Variants in PLEKHG3 observed in about 807,000 individuals in gnomAD.
The protein encoded by PLEKHG3 is pleckstrin homology domain-containing family G member 3.
In PLEKHG3, 62 loss-of-function variants were observed where a neutral mutation model predicts 94.9. The observed-to-expected ratio is 0.65, with a 90% CI of 0.53 to 0.81. The LOEUF (loss-of-function observed/expected upper bound fraction) is 0.81. Ranked by LOEUF, PLEKHG3 falls within the 30% of genes least tolerant of loss-of-function variation. PLEKHG3 has a pLI of 0.00. For synonymous variants in PLEKHG3, 614 were observed against 654.0 expected (o/e 0.94, Z 0.93); for missense variants, 1,461 against 1,619.3 (o/e 0.90, Z 1.68).
chr14:64,735,685 G>T (rs1594701400), intron 12 of PLEKHG3, among the ~76,000 whole-genome samples: 2 of 152,226 alleles, frequency 1.3e-5, no homozygotes, highest in East Asian at 3.8e-4. Flanking sequence ...ACCACAAAAA[G>T]ATCAGGAAAG....
chr14:64,729,073 A>C lies in PLEKHG3; in HGVS notation c.429A>C (p.Glu143Asp). 6.6e-7 allele frequency: 1 copy of C among 1,511,746 alleles called. No individual in the cohort carries two copies. Among genetic ancestry groups the C allele is most frequent in the East Asian group, 2.5e-5 (1 of 40,772 alleles). The allele number at this position is 1,511,746 out of a possible 1,614,324, so 93.6% of individuals were successfully genotyped here. ...EQVSALFGNI[E>D]NIYALNSQLL... ...TCAGCGCCCTCTTTGGGAACATAGAAAATATCTACGCGCTGAACAGGTGTG... is the reference window on the plus strand; with the variant it reads ...TCAGCGCCCTCTTTGGGAACATAGACAATATCTACGCGCTGAACAGGTGTG... Residue 143 changes from glutamate to aspartate, a missense_variant, in exon 3 of 17, where the codon GAA becomes GAC. By Grantham distance (45) the Glu-to-Asp change is conservative. Around this residue, in one of 3 missense-constraint regions of PLEKHG3, gnomAD observed 253 missense variants for 297.8 expected, o/e 0.85. Coordinates refer to ENST00000247226, the MANE Select transcript of PLEKHG3 (RefSeq NM_001308147.2).
chr14:64,729,915 C>G (rs1395860785), intron 3 of PLEKHG3, among the ~76,000 whole-genome samples: 1 of 152,190 alleles, frequency 6.6e-6, no homozygotes, highest in Non-Finnish European at 1.5e-5. Flanking sequence ...TCTCCTTCAC[C>G]CTTTAATCCT....
chr14:64,730,701 G>A lies in PLEKHG3; in HGVS notation c.566+13G>A. ...ACAATTACCCCAAGTGAGTAATTGG[G>A]GTGAGAGGGAAGGCAGAGCCATTTG... On this transcript the variant is annotated intron_variant, in intron 5 of 16. Transcript: ENST00000247226. The surrounding 1 kb of genome is among the most constrained non-coding windows in gnomAD (Gnocchi z 5.4). The A allele has an allele frequency of 6.2e-7, 1 of 1,612,772 alleles. No homozygotes were observed. Among genetic ancestry groups the A allele is most frequent in the Admixed American group, 1.7e-5 (1 of 60,010 alleles).
chr14:64,728,888 A>G lies in PLEKHG3; in HGVS notation c.352-108A>G, dbSNP rs1004651670. 3 of 545,368 alleles carry G rather than the reference A, an allele frequency of 5.5e-6. No homozygotes were observed. Among genetic ancestry groups the G allele is most frequent in the Non-Finnish European group, 9.9e-6 (3 of 302,392 alleles). The allele number at this position is 545,368 out of a possible 1,614,324, so 33.8% of individuals were successfully genotyped here. ...GGGTGGACACTGTCTCACAGTAGGCAATGTCCGTGAAGTGGTGTTACAGCA... is the reference window on the plus strand; with the variant it reads ...GGGTGGACACTGTCTCACAGTAGGCGATGTCCGTGAAGTGGTGTTACAGCA... On this transcript the variant is annotated intron_variant, in intron 2 of 16. Transcript: ENST00000247226. The surrounding 1 kb of genome is among the most constrained non-coding windows in gnomAD (Gnocchi z 5.9).
In PLEKHG3 at chr14:64,728,069, T is replaced by A. The variant is rs932086875; in HGVS notation, c.351+87T>A. On this transcript the variant is annotated intron_variant, in intron 2 of 16. Coordinates refer to ENST00000247226, the MANE Select transcript of PLEKHG3 (RefSeq NM_001308147.2). This position sits in a 1 kb window ranked among gnomAD's most constrained non-coding sequence, Gnocchi z 5.9. ...AAGCTCTCAAAAGACCTGCTTCCCA[T>A]AAAGTAGTTGGAGAACTGGGGTCTC... 1 of 864,872 alleles carries A rather than the reference T, an allele frequency of 1.2e-6. No homozygotes were observed. The allele number at this position is 864,872 out of a possible 1,614,324, so 53.6% of individuals were successfully genotyped here.
At position 64,716,735 on chromosome 14, in the gene PLEKHG3, G is replaced by C. The variant is rs2081169728; in HGVS notation, c.-39-10858G>C. Among the ~76,000 whole-genome samples the C allele has an allele frequency of 6.6e-6, 1 of 152,168 alleles. No individual in the cohort carries two copies. Among genetic ancestry groups the C allele is most frequent in the Non-Finnish European group, 1.5e-5 (1 of 68,034 alleles). ...CTGGCACCCACCACTTCATAGTTCA[G>C]AGCAGCAGGAGTGTGGAGGTCGGGG... On this transcript the variant is annotated intron_variant, in intron 1 of 16. Coordinates refer to ENST00000247226, the MANE Select transcript of PLEKHG3 (RefSeq NM_001308147.2). The surrounding 1 kb of genome is among the most constrained non-coding windows in gnomAD (Gnocchi z 5.0).
rs542185935 is a variant in PLEKHG3 at position 64,705,166 on chromosome 14, C to T, written c.-40+462C>T. ...TTCCGGGTTGGCGCCGCACGGTGCT[C>T]GCTGTTGGGAATCTCGGCTACCTGT... On this transcript the variant is annotated intron_variant, in intron 1 of 16. Coordinates refer to ENST00000247226, the MANE Select transcript of PLEKHG3 (RefSeq NM_001308147.2). 3.9e-5 allele frequency among the ~76,000 whole-genome samples: 6 copies of T among 152,172 alleles called. No homozygotes were observed. The East Asian group carries it at 9.7e-4, about 24-fold the overall frequency.
rs921785028 is a variant in PLEKHG3 at position 64,722,462 on chromosome 14, C to T, written c.-39-5131C>T. On this transcript the variant is annotated intron_variant, in intron 1 of 16. Coordinates refer to ENST00000247226, the MANE Select transcript of PLEKHG3 (RefSeq NM_001308147.2). This position sits in a 1 kb window ranked among gnomAD's most constrained non-coding sequence, Gnocchi z 4.3. ...CTCAAACTCCTGACCAAAGGTGATC[C>T]GCCCACCTCGGCCTCCCAAAGTGCT... Among the ~76,000 whole-genome samples, 1 of 152,168 alleles carries T rather than the reference C, an allele frequency of 6.6e-6. No homozygotes were observed. Among genetic ancestry groups the T allele is most frequent in the South Asian group, 2.1e-4 (1 of 4,832 alleles).
rs571047394 is a variant in PLEKHG3 at position 64,732,225 on chromosome 14, C to T, written c.1212+44C>T. 16 of 1,541,420 alleles carry T rather than the reference C, an allele frequency of 1.0e-5. No homozygotes were observed. The highest frequency in any genetic ancestry group is 6.8e-5 in the African/African-American group (5 of 73,456). ...TGACTGTGTGCAAGGAGAATGTGCT[C>T]CTCTGAGCCAGCTCTGCAAGGTCCA... is the stretch of plus-strand genomic sequence containing the variant. On this transcript the variant is annotated intron_variant, in intron 10 of 16. Transcript: ENST00000247226. This position sits in a 1 kb window ranked among gnomAD's most constrained non-coding sequence, Gnocchi z 4.9.
At position 64,732,890 on chromosome 14, in the gene PLEKHG3, G is replaced by A. The variant is rs376937057; in HGVS notation, c.1334G>A (p.Arg445His). 1.0e-5 allele frequency: 16 copies of A among 1,602,900 alleles called. No homozygotes were observed. The highest frequency in any genetic ancestry group is 2.2e-5 in the South Asian group (2 of 88,952). Residue 445 changes from arginine to histidine, a missense_variant, in exon 12 of 17, where the codon CGC (arginine) becomes CAC (histidine). Physicochemically the swap from Arg to His is conservative, Grantham distance 29 (BLOSUM62 0). Coordinates refer to ENST00000247226, the MANE Select transcript of PLEKHG3 (RefSeq NM_001308147.2). The surrounding 1 kb of genome is among the most constrained non-coding windows in gnomAD (Gnocchi z 4.9). ...GTGTCCACCAATGTGCGCCAGGGGC[G>A]CCGGCAATCTGGTAAGAGAAGGGCT... ...DEVSTNVRQGRRQSEPTKHLL... is the reference protein window; with the variant it reads ...DEVSTNVRQGHRQSEPTKHLL...
chr14:64,743,549 C>A lies in PLEKHG3; in HGVS notation c.3506C>A (p.Ser1169Ter). The A allele has an allele frequency of 6.2e-7, 1 of 1,613,000 alleles. No individual in the cohort carries two copies. Among genetic ancestry groups the A allele is most frequent in the Non-Finnish European group, 8.5e-7 (1 of 1,179,936 alleles). ...GAGAGCAGTGGCCAGGGACCAAGCT[C>A]ACCGGTGGCCCTGCTGGGGCAGGTT... ...LEESSGQGPS[S>*]PVALLGQVQD... The change falls in exon 17 of 17, where the codon TCA (serine) becomes TAA (stop). Residue 1169 changes from serine to a stop codon, truncating the protein, a stop_gained. Transcript: ENST00000247226. LOFTEE classifies it low-confidence loss of function (END_TRUNC). The surrounding 1 kb of genome is among the most constrained non-coding windows in gnomAD (Gnocchi z 7.2).
chr14:64,724,244 A>G (rs1476907804), intron 1 of PLEKHG3, among the ~76,000 whole-genome samples: 2 of 152,010 alleles, frequency 1.3e-5, no homozygotes, highest in Non-Finnish European at 2.9e-5. Flanking sequence ...TGCACTCAGA[A>G]TGCACTCTGA....
At chr14:64,707,480 G>C (rs1477949075) in intron 1 of PLEKHG3, among the ~76,000 whole-genome samples, 1 of 152,222 alleles carries the variant, frequency 6.6e-6, no homozygotes, top group Non-Finnish European at 1.5e-5. Context: ...CAGCAGTGAA[G>C]AAAATATACA....
At position 64,715,887 on chromosome 14, in the gene PLEKHG3, A is replaced by G. The variant is rs1246239583; in HGVS notation, c.-40+11183A>G. 2.8e-6 allele frequency: 1 copy of G among 362,288 alleles called. No individual in the cohort carries two copies. The highest frequency in any genetic ancestry group is 8.2e-5 in the East Asian group (1 of 12,158). 22.4% of individuals were successfully genotyped at this position (362,288 alleles called of 1,614,324 possible). A position where few individuals can be genotyped will look rare whatever the true frequency, so the allele number is the denominator to read the frequency against. On this transcript the variant is annotated intron_variant, in intron 1 of 16. Transcript: ENST00000247226. The surrounding 1 kb of genome is among the most constrained non-coding windows in gnomAD (Gnocchi z 4.4). ...GAGAGAAATGCAGAAAGTATGACCC[A>G]CACGCAGAACTGGTTCTGAATAGAA...
In PLEKHG3 at chr14:64,720,942, C is replaced by T. The variant is rs1024350551; in HGVS notation, c.-39-6651C>T. Among the ~76,000 whole-genome samples, 1 of 152,198 alleles carries T rather than the reference C, an allele frequency of 6.6e-6. No homozygotes were observed. Among genetic ancestry groups the T allele is most frequent in the Non-Finnish European group, 1.5e-5 (1 of 68,048 alleles). On this transcript the variant is annotated intron_variant, in intron 1 of 16. Coordinates refer to ENST00000247226, the MANE Select transcript of PLEKHG3 (RefSeq NM_001308147.2). The surrounding 1 kb of genome is among the most constrained non-coding windows in gnomAD (Gnocchi z 4.1). ...CTGTCCCTCTGCTTTTATTGTCAAA[C>T]TTCTGTCTGACTCTGACTCCTGCCG...
Position 64,741,768 on chromosome 14 carries a change from A to G in PLEKHG3, c.2251A>G (p.Arg751Gly). 1 of 1,613,346 alleles carries G rather than the reference A, an allele frequency of 6.2e-7. No homozygotes were observed. Among genetic ancestry groups the G allele is most frequent in the Non-Finnish European group, 8.5e-7 (1 of 1,180,024 alleles). ...CTCCTACATCCCCAAAGGACTGGTAAGAAACTCCATCTCCAGGTTCAACAG... is the reference window on the plus strand; with the variant it reads ...CTCCTACATCCCCAAAGGACTGGTAGGAAACTCCATCTCCAGGTTCAACAG... Reference protein sequence around the residue: ...SLSYIPKGLVRNSISRFNSLP... With the variant: ...SLSYIPKGLVGNSISRFNSLP... Residue 751 changes from arginine (R) to glycine (G), a missense_variant, in exon 16 of 17, where the codon AGA (arginine) becomes GGA (glycine). Physicochemically the swap from Arg to Gly is moderately radical, Grantham distance 125. This residue lies in a region of PLEKHG3 where 1,201 missense variants were observed against 1,295.5 expected (regional missense o/e 0.93). Coordinates refer to ENST00000247226, the MANE Select transcript of PLEKHG3 (RefSeq NM_001308147.2).
rs985402621 is a variant in PLEKHG3 at position 64,726,795 on chromosome 14, G to A, written c.-39-798G>A. Among the ~76,000 whole-genome samples the A allele has an allele frequency of 3.3e-5, 5 of 152,270 alleles. No individual in the cohort carries two copies. Among genetic ancestry groups the A allele is most frequent in the South Asian group, 4.1e-4 (2 of 4,826 alleles). On this transcript the variant is annotated intron_variant, in intron 1 of 16. Coordinates refer to ENST00000247226, the MANE Select transcript of PLEKHG3 (RefSeq NM_001308147.2). This position sits in a 1 kb window ranked among gnomAD's most constrained non-coding sequence, Gnocchi z 5.1. ...GGTGCTGGGGTGGGGCTGCGGAGTC[G>A]GGGGATAATGCTGGCTCAGCCAGTC...
intron 1 of PLEKHG3, among the ~76,000 whole-genome samples, chr14:64,712,613 T>C (rs1242411796): frequency 6.6e-6 from 1 of 152,238 alleles, no homozygotes; most frequent in Non-Finnish European, 1.5e-5. Context: ...ATTTTATGAT[T>C]GCTCATTGCT....
rs1418047339 is a variant in PLEKHG3, at chr14:64,732,066, C to G, written c.1126-29C>G. 3.3e-6 allele frequency: 5 copies of G among 1,523,300 alleles called. No homozygotes were observed. The highest frequency in any genetic ancestry group is 4.6e-6 in the Non-Finnish European group (5 of 1,097,242). The allele number at this position is 1,523,300 out of a possible 1,614,324, so 94.4% of individuals were successfully genotyped here. A position where few individuals can be genotyped will look rare whatever the true frequency, so the allele number is the denominator to read the frequency against. The stretch of plus-strand genomic sequence containing the variant: ...AGCTTCAGGCCTGTAATGATAACCA[C>G]TGGGTCCCTTTCCCTTGGGTCCTCC... On this transcript the variant is annotated intron_variant, in intron 9 of 16. Coordinates refer to ENST00000247226, the MANE Select transcript of PLEKHG3 (RefSeq NM_001308147.2). This position sits in a 1 kb window ranked among gnomAD's most constrained non-coding sequence, Gnocchi z 4.9.
Sources: gnomAD v4.1 joint callset for allele counts (sites outside exome capture counted in the v4.1 genomes callset) on GRCh38, gnomAD v4.1.1 for gene constraint, gnomAD v4.1.1 regional missense constraint, Gnocchi (gnomAD v3.1) non-coding constraint, MANE v1.5 for transcripts, NCBI Gene and HGNC (gene_info 2026-07-23, HGNC 2026-07-21) for gene names.